BDH1: variants seen among roughly 807,000 people sequenced by gnomAD.
The protein encoded by BDH1 is 3-hydroxybutyrate dehydrogenase 1, also known as D-beta-hydroxybutyrate dehydrogenase, mitochondrial.
Under a neutral mutation model 33.1 loss-of-function variants are expected in BDH1, and 30 were observed. The ratio of observed to expected loss-of-function variants is 0.91; its 90% CI spans 0.68 to 1.23. The LOEUF is 1.23. BDH1 is among the 50% of genes most tolerant of loss of function. BDH1 has a pLI of 0.00. For missense variants in BDH1, 443 were observed against 464.4 expected (o/e 0.95, Z 0.42); for synonymous variants, 190 against 183.6 (o/e 1.03, Z -0.28).
intron 1 of BDH1, among the ~76,000 whole-genome samples, chr3:197,555,074 C>G (rs1269516139): frequency 2.6e-5 from 4 of 152,256 alleles, no homozygotes; most frequent in Non-Finnish European, 5.9e-5. Flanking sequence ...GCCTGGACTC[C>G]CACCCTGGCC....
rs375263576 is a variant in BDH1 at position 197,512,301 on chromosome 3, C to T, written c.626G>A (p.Cys209Tyr). ...RMANPARSPY[C>Y]ITKFGVEAFS... is the part of the protein sequence containing the mutation. ...AGCCTCTACCCCGAACTTGGTGATG[C>T]AGTACGGGGAGCGGGCCGGGTTGGC... The change falls in exon 8 of 8, where the codon TGC becomes TAC. Residue 209 changes from cysteine to tyrosine, a missense_variant. Coordinates refer to ENST00000392379, the MANE Select transcript of BDH1 (RefSeq NM_203314.3). 11 of 1,612,092 alleles carry T rather than the reference C, an allele frequency of 6.8e-6. No individual in the cohort carries two copies. The highest frequency in any genetic ancestry group is 8.5e-6 in the Non-Finnish European group (10 of 1,179,998).
chr3:197,542,555 C>CTTTTTTTTTTTT (rs1715736310), intron 3 of BDH1, among the ~76,000 whole-genome samples: 1 of 104,406 alleles, frequency 9.6e-6, no homozygotes, highest in African/African-American at 4.6e-5. Context: ...CGGAGTTTTG[C>CTTTTTTTTTTTT]TCTTGTCGCC....
intron 6 of BDH1, among the ~76,000 whole-genome samples, chr3:197,519,335 G>A (rs1383231392): frequency 1.3e-5 from 2 of 152,040 alleles, no homozygotes; most frequent in African/African-American, 2.4e-5. Flanking sequence ...CCACACAGGG[G>A]GCAGGTGCAA....
intron 2 of BDH1, among the ~76,000 whole-genome samples, chr3:197,549,674 A>G (rs1716390527): frequency 6.6e-6 from 1 of 152,254 alleles, no homozygotes; most frequent in Admixed American, 6.5e-5. Context: ...GAAACAGCCA[A>G]TGCAGAGACC....
intron 1 of BDH1, among the ~76,000 whole-genome samples, chr3:197,567,666 C>T (rs548264282): frequency 6.6e-6 from 1 of 152,238 alleles, no homozygotes; most frequent in East Asian, 1.9e-4. Flanking sequence ...TCAACCTTCG[C>T]AAAATAAACT....
intron 3 of BDH1, among the ~76,000 whole-genome samples, chr3:197,544,627 C>T (rs1005842006): frequency 2.0e-5 from 3 of 152,216 alleles, no homozygotes; most frequent in Admixed American, 2.0e-4. Context: ...CCGCCGTCCC[C>T]GCTGTGATGG....
At chr3:197,551,597 C>T (rs9855602) in intron 2 of BDH1, among the ~76,000 whole-genome samples, 15,475 of 152,114 alleles carry the variant, frequency 0.1, 1,013 homozygotes, top group African/African-American at 0.17. Context: ...CCAGCAGTGG[C>T]ACTGCTGGAT....
intron 1 of BDH1, among the ~76,000 whole-genome samples, chr3:197,561,132 G>A (rs964721265): frequency 6.6e-6 from 1 of 152,140 alleles, no homozygotes; most frequent in African/African-American, 2.4e-5. Context: ...GATTTGGGGG[G>A]GTTCACATTT....
At chr3:197,560,053 G>A (rs2108772690), upstream of BDH1, among the ~76,000 whole-genome samples, 1 of 152,348 alleles carries the variant, frequency 6.6e-6, no homozygotes, top group East Asian at 1.9e-4. Flanking sequence ...TCAACCCAGG[G>A]AGGTACTGTT....
chr3:197,572,749 T>C (rs7611478), intron 1 of BDH1, among the ~76,000 whole-genome samples: 27,461 of 152,070 alleles, frequency 0.18, 3,136 homozygotes, highest in African/African-American at 0.32. Context: ...AATAAATAAA[T>C]AAACAAACAA....
At chr3:197,512,967 C>T (rs1712237657) in intron 7 of BDH1, among the ~76,000 whole-genome samples, 1 of 152,168 alleles carries the variant, frequency 6.6e-6, no homozygotes, top group Non-Finnish European at 1.5e-5. Flanking sequence ...GAGGACAGGA[C>T]CCGTGCTGTT....
intron 3 of BDH1, among the ~76,000 whole-genome samples, chr3:197,540,854 C>G (rs1715553654): frequency 6.6e-6 from 1 of 152,158 alleles, no homozygotes; most frequent in Non-Finnish European, 1.5e-5. Flanking sequence ...TGGCGCATTT[C>G]TACTCTTCCA....
At chr3:197,544,016 A>G (rs1388075813) in intron 3 of BDH1, among the ~76,000 whole-genome samples, 1 of 152,216 alleles carries the variant, frequency 6.6e-6, no homozygotes, top group African/African-American at 2.4e-5. Flanking sequence ...ATATTCAAAC[A>G]GAGGCGATAA....
At position 197,521,080 on chromosome 3, in the gene BDH1, T is replaced by C. The variant is rs952797745; in HGVS notation, c.409+1560A>G. On this transcript the variant is annotated intron_variant, in intron 6 of 7. Transcript: ENST00000392379. The surrounding 1 kb of genome is among the most constrained non-coding windows in gnomAD (Gnocchi z 4.9). ...TCAGCAGAGCTCCCCGCATGGGATC[T>C]GGTCACTCCTGCCTTTTCCGCCTCC... Among the ~76,000 whole-genome samples, 2 of 152,164 alleles carry C rather than the reference T, an allele frequency of 1.3e-5. No individual in the cohort carries two copies. Among genetic ancestry groups the C allele is most frequent in the Non-Finnish European group, 2.9e-5 (2 of 68,014 alleles).
At chr3:197,561,002 T>A (rs1717242722) in intron 1 of BDH1, among the ~76,000 whole-genome samples, 1 of 151,890 alleles carries the variant, frequency 6.6e-6, no homozygotes, top group Non-Finnish European at 1.5e-5. Flanking sequence ...ATGTCTCATG[T>A]CTCCCTAAAA....
At chr3:197,547,826 C>T (rs895540398) in intron 2 of BDH1, among the ~76,000 whole-genome samples, 3 of 152,098 alleles carry the variant, frequency 2.0e-5, no homozygotes, top group Admixed American at 2.0e-4. Flanking sequence ...TGAGGGCGTT[C>T]CTGCCTCAGA....
intron 2 of BDH1, among the ~76,000 whole-genome samples, chr3:197,546,772 G>A (rs13080421): frequency 0.049 from 7,397 of 152,272 alleles, 203 homozygotes; most frequent in South Asian, 0.062. Context: ...CATAATGTGA[G>A]CAGGTTGGCC....
In BDH1 at chr3:197,528,299, A is replaced by AGTAAGTGT. The variant is rs776236688; in HGVS notation, c.267+4112_267+4113insACACTTAC. The AGTAAGTGT allele has an allele frequency of 7.6e-5, 11 of 145,014 alleles. No homozygotes were observed. Among genetic ancestry groups the AGTAAGTGT allele is most frequent in the African/African-American group, 3.1e-4 (11 of 36,052 alleles). 9.0% of individuals were successfully genotyped at this position (145,014 alleles called of 1,614,324 possible). A position where few individuals can be genotyped will look rare whatever the true frequency, so the allele number is the denominator to read the frequency against. ...TGGTGTAGGTCTGTATGAGTGAGTG[A>AGTAAGTGT]GTGAGTGTGTGTGTGTGTGTGTGTG... On this transcript the variant is annotated intron_variant, in intron 5 of 7. Transcript: ENST00000392379. This position sits in a 1 kb window ranked among gnomAD's most constrained non-coding sequence, Gnocchi z 5.1.
At chr3:197,551,623 T>C (rs536813585) in intron 2 of BDH1, among the ~76,000 whole-genome samples, 1 of 152,206 alleles carries the variant, frequency 6.6e-6, no homozygotes, top group Admixed American at 6.5e-5. Context: ...GGTAGCTCTA[T>C]TTTTTGTTTT....
Sources: allele counts gnomAD v4.1 joint callset (sites outside exome capture counted in the v4.1 genomes callset), GRCh38; gene constraint gnomAD v4.1.1; non-coding constraint Gnocchi (gnomAD v3.1); transcripts MANE v1.5; gene names NCBI Gene and HGNC (gene_info 2026-07-23, HGNC 2026-07-21).